The following TTC28 variants were observed in gnomAD, a reference collection of about 807,000 sequenced individuals.
TTC28 encodes tetratricopeptide repeat domain 28, also known as tetratricopeptide repeat protein 28.
A neutral mutation model predicts 198.0 loss-of-function variants in TTC28; 61 were observed. The observed-to-expected ratio is 0.31, with a 90% CI of 0.25 to 0.38. The LOEUF is 0.38. Among genes scored for constraint, TTC28 ranks in the 10% least tolerant of loss-of-function variants. TTC28 has a pLI of 1.00. For missense variants in TTC28, 2,678 were observed against 3,164.0 expected (o/e 0.85, Z 3.69); for synonymous variants, 1,171 against 1,297.8 (o/e 0.90, Z 2.10).
At chr22:28,323,750 T>C (rs1018129729) in intron 2 of TTC28, among the ~76,000 whole-genome samples, 17 of 152,162 alleles carry the variant, frequency 1.1e-4, no homozygotes, top group Admixed American at 1.0e-3. Flanking sequence ...AAGATATCAA[T>C]ATTCAAGAAC....
At chr22:28,279,369 G>A (rs1441904772) in intron 5 of TTC28, among the ~76,000 whole-genome samples, 2 of 151,986 alleles carry the variant, frequency 1.3e-5, no homozygotes, top group South Asian at 2.1e-4. Flanking sequence ...ACCATTTGAT[G>A]AGGTTTTGTT....
intron 2 of TTC28, among the ~76,000 whole-genome samples, chr22:28,506,899 A>C (rs1253306323): frequency 2.0e-5 from 3 of 152,236 alleles, no homozygotes; most frequent in Non-Finnish European, 4.4e-5. Flanking sequence ...CAAAAAATCC[A>C]TTCAAAGGTC....
At chr22:28,158,549 T>C (rs1266823388) in intron 6 of TTC28, among the ~76,000 whole-genome samples, 3 of 152,088 alleles carry the variant, frequency 2.0e-5, no homozygotes, top group Non-Finnish European at 4.4e-5. Flanking sequence ...CAGCATGTAA[T>C]GGTATAAAAA....
intron 5 of TTC28, among the ~76,000 whole-genome samples, chr22:28,260,567 A>G (rs1478646607): frequency 1.3e-5 from 2 of 152,182 alleles, no homozygotes; most frequent in African/African-American, 2.4e-5. Flanking sequence ...CATTTTTAAC[A>G]TGATAGATTC....
chr22:28,632,745 T>G (rs191515265), intron 1 of TTC28, among the ~76,000 whole-genome samples: 129 of 150,600 alleles, frequency 8.6e-4, no homozygotes, highest in Middle Eastern at 3.4e-3. Flanking sequence ...AACTGTTAGA[T>G]TCATAAGTAG....
At chr22:28,606,975 G>C (rs966204652) in intron 2 of TTC28, among the ~76,000 whole-genome samples, 1 of 152,124 alleles carries the variant, frequency 6.6e-6, no homozygotes, top group Non-Finnish European at 1.5e-5. Flanking sequence ...TTGAGAAATG[G>C]TAAGTGCTGG....
At chr22:28,153,746 T>G (rs980923916) in intron 6 of TTC28, among the ~76,000 whole-genome samples, 4 of 152,220 alleles carry the variant, frequency 2.6e-5, no homozygotes, top group African/African-American at 9.6e-5. Flanking sequence ...TAGTCTTGTT[T>G]CCCTTTTCTT....
chr22:28,101,055 G>T, intron 9 of TTC28, 116 bp downstream of exon 9: 1 of 707,544 alleles, frequency 1.4e-6, no homozygotes, highest in Non-Finnish European at 2.3e-6. Flanking sequence ...ATACACATTA[G>T]CCCAAGGGTA....
chr22:28,203,002 C>G (rs183119961), intron 5 of TTC28, among the ~76,000 whole-genome samples: 1 of 151,822 alleles, frequency 6.6e-6, no homozygotes, highest in Admixed American at 6.6e-5. Context: ...ACATTTGACA[C>G]GATTATTGTA....
intron 2 of TTC28, among the ~76,000 whole-genome samples, chr22:28,610,177 C>T (rs892107276): frequency 3.3e-5 from 5 of 152,302 alleles, no homozygotes; most frequent in East Asian, 1.9e-4. Context: ...CAGACTTAAA[C>T]GTCCCTGCCT....
At chr22:28,662,955 A>G (rs1234077930) in intron 1 of TTC28, among the ~76,000 whole-genome samples, 3 of 152,044 alleles carry the variant, frequency 2.0e-5, no homozygotes, top group Non-Finnish European at 2.9e-5. Context: ...TTTTCTAGTG[A>G]TAAGAAACTT....
At chr22:28,121,576 G>T (rs760985841) in intron 6 of TTC28, among the ~76,000 whole-genome samples, 6 of 152,146 alleles carry the variant, frequency 3.9e-5, no homozygotes, top group Non-Finnish European at 8.8e-5. Flanking sequence ...TTGAATTATT[G>T]AGATTGTATA....
chr22:28,655,037 A>G (rs992972212), intron 1 of TTC28, among the ~76,000 whole-genome samples: 6 of 152,176 alleles, frequency 3.9e-5, no homozygotes, highest in African/African-American at 9.7e-5. Flanking sequence ...GATAACCTCA[A>G]TATCTTTTCC....
chr22:28,048,136 T>A (rs1221749067), intron 12 of TTC28, among the ~76,000 whole-genome samples: 1 of 151,476 alleles, frequency 6.6e-6, no homozygotes, highest in East Asian at 1.9e-4. Context: ...AATCCATGCA[T>A]AATGGGGTTC....
chr22:28,527,963 G>C (rs1385862715), intron 2 of TTC28, among the ~76,000 whole-genome samples: 4 of 152,114 alleles, frequency 2.6e-5, no homozygotes, highest in Non-Finnish European at 5.9e-5. Flanking sequence ...CAGAACAAGT[G>C]TGCATGTAAG....
intron 5 of TTC28, among the ~76,000 whole-genome samples, chr22:28,251,130 CTAAT>C (rs1260413197): frequency 6.6e-6 from 1 of 151,948 alleles, no homozygotes. Flanking sequence ...ATTTATGCCT[CTAAT>C]TAATTAAACA....
At chr22:28,493,281 G>T (rs1289080309) in intron 2 of TTC28, among the ~76,000 whole-genome samples, 1 of 151,972 alleles carries the variant, frequency 6.6e-6, no homozygotes, top group Non-Finnish European at 1.5e-5. Context: ...GCTTGAACCC[G>T]GGAGACAGAG....
intron 2 of TTC28, among the ~76,000 whole-genome samples, chr22:28,482,705 A>C (rs2048268735): frequency 6.6e-6 from 1 of 151,952 alleles, no homozygotes; most frequent in South Asian, 2.1e-4. Context: ...AAAATCCCAT[A>C]CTCATTAAGC....
intron 12 of TTC28, among the ~76,000 whole-genome samples, chr22:28,040,859 C>T (rs1939601272): frequency 6.6e-6 from 1 of 152,154 alleles, no homozygotes; most frequent in South Asian, 2.1e-4. Flanking sequence ...CCCAAAATTT[C>T]CTTAAGCTGA....
Sources: allele counts gnomAD v4.1 joint callset (sites outside exome capture counted in the v4.1 genomes callset), GRCh38; gene constraint gnomAD v4.1.1; transcripts MANE v1.5; gene names NCBI Gene and HGNC (gene_info 2026-07-23, HGNC 2026-07-21).